Variants in NTM observed in about 807,000 individuals in gnomAD.
The protein encoded by NTM is neurotrimin.
In NTM, 13 loss-of-function variants were observed where a neutral mutation model predicts 42.1. That is an observed-to-expected ratio of 0.31 (90% CI 0.20 to 0.49). The LOEUF is 0.49. NTM is among the 20% of genes least tolerant of loss of function. The pLI, the probability that NTM is intolerant of heterozygous loss-of-function variation, is 0.99. For synonymous variants in NTM, 187 were observed against 179.2 expected (o/e 1.04, Z -0.35); for missense variants, 373 against 452.8 (o/e 0.82, Z 1.60).
intron 1 of NTM, among the ~76,000 whole-genome samples, chr11:131,617,506 C>T (rs1006436793): frequency 1.3e-5 from 2 of 152,136 alleles, no homozygotes; most frequent in African/African-American, 4.8e-5. Context: ...AAAGTATGAG[C>T]TGAGCTGAGT....
At chr11:131,497,273 C>T (rs1955448212) in intron 1 of NTM, among the ~76,000 whole-genome samples, 1 of 152,170 alleles carries the variant, frequency 6.6e-6, no homozygotes, top group Non-Finnish European at 1.5e-5. Context: ...ACTGCATCCT[C>T]TGCCTCCCAG....
At chr11:131,989,736 CACACACAT>C (rs959637045) in intron 2 of NTM, among the ~76,000 whole-genome samples, 152 of 152,034 alleles carry the variant, frequency 1.0e-3, no homozygotes, top group African/African-American at 3.4e-3. Context: ...CACACACACA[CACACACAT>C]GAACACATAC....
intron 3 of NTM, among the ~76,000 whole-genome samples, chr11:132,147,872 A>T (rs2070901683): frequency 6.6e-6 from 1 of 152,170 alleles, no homozygotes; most frequent in Non-Finnish European, 1.5e-5. Flanking sequence ...GAAGAACTGA[A>T]GTGAGCCGGA....
intron 1 of NTM, chr11:131,663,102 C>T (rs191802526): frequency 2.6e-5 from 4 of 152,138 alleles, no homozygotes; most frequent in African/African-American, 9.7e-5. Flanking sequence ...AGGCACCCCT[C>T]CCCCAACACA....
intron 1 of NTM, among the ~76,000 whole-genome samples, chr11:131,391,644 G>GGAAAAAA (rs1565455663): frequency 1.2e-5 from 1 of 81,562 alleles, no homozygotes; most frequent in African/African-American, 4.6e-5. Context: ...TTTTATCTGG[G>GGAAAAAA]AAAAAAAAAA....
intron 1 of NTM, among the ~76,000 whole-genome samples, chr11:131,421,566 A>T (rs544851578): frequency 6.6e-6 from 1 of 152,230 alleles, no homozygotes; most frequent in South Asian, 2.1e-4. Context: ...GCTACTGCAT[A>T]TGCAGTTCCA....
chr11:131,673,057 G>A (rs1259466813), intron 1 of NTM, among the ~76,000 whole-genome samples: 1 of 151,994 alleles, frequency 6.6e-6, no homozygotes, highest in Non-Finnish European at 1.5e-5. Context: ...GTGGGGGTGG[G>A]GAGTGACCTC....
intron 1 of NTM, among the ~76,000 whole-genome samples, chr11:131,740,584 G>T (rs1030925478): frequency 3.3e-5 from 5 of 151,750 alleles, no homozygotes; most frequent in Admixed American, 1.3e-4. Flanking sequence ...CTTGACTCTG[G>T]GGTTTCTGTC....
In NTM at chr11:131,552,486, C is replaced by G. The variant is rs572695488; in HGVS notation, c.82+181598C>G. 6.8e-3 allele frequency among the ~76,000 whole-genome samples: 978 copies of G among 142,996 alleles called. 5 individuals are homozygous for G. The highest frequency in any genetic ancestry group is 0.024 in the African/African-American group (904 of 37,762). The allele number at this position is 142,996 out of a possible 152,430, so 93.8% of individuals were successfully genotyped here. A position where few individuals can be genotyped will look rare whatever the true frequency, so the allele number is the denominator to read the frequency against. Reference sequence around the variant, plus strand: ...GCCACTGCACCTCCAGCCTGGGCGACAGAGCGAGACTCCGTCTCAAAAAAA... The same window carrying G: ...GCCACTGCACCTCCAGCCTGGGCGAGAGAGCGAGACTCCGTCTCAAAAAAA... On this transcript the variant is annotated intron_variant, in intron 1 of 8. Transcript: ENST00000683400.
Position 131,925,383 on chromosome 11 carries a change from C to CTTTT in NTM, c.167+13753_167+13756dup, listed in dbSNP as rs61493262. 6.3e-5 allele frequency among the ~76,000 whole-genome samples: 7 copies of CTTTT among 111,456 alleles called. 1 individual carries two copies. Among genetic ancestry groups the CTTTT allele is most frequent in the African/African-American group, 2.1e-4 (6 of 28,152 alleles). 73.1% of individuals were successfully genotyped at this position (111,456 alleles called of 152,430 possible). A position where few individuals can be genotyped will look rare whatever the true frequency, so the allele number is the denominator to read the frequency against. ...TTCCTTTTTTTTTTCTTTCTTTTCT[C>CTTTT]TTTTTTTTTTTTTTTTTTTTTAACA... On this transcript the variant is annotated intron_variant, in intron 2 of 8. Coordinates refer to ENST00000683400, the MANE Select transcript of NTM (RefSeq NM_001352005.2).
intron 2 of NTM, among the ~76,000 whole-genome samples, chr11:132,132,763 C>T (rs2067058726): frequency 6.6e-6 from 1 of 152,044 alleles, no homozygotes; most frequent in African/African-American, 2.4e-5. Context: ...CTTGTCGCAA[C>T]ACAATGGAAA....
intron 1 of NTM, among the ~76,000 whole-genome samples, chr11:131,498,852 T>C (rs993268382): frequency 1.6e-4 from 25 of 152,208 alleles, no homozygotes; most frequent in African/African-American, 5.8e-4. Context: ...CACCTGCTGG[T>C]AAGCAGGAGG....
At position 132,315,026 on chromosome 11, in the gene NTM, G is replaced by GAAAAGATCCCGAGATAGGA. The variant is rs2095391113; in HGVS notation, c.934+324_934+342dup. The GAAAAGATCCCGAGATAGGA allele has an allele frequency of 2.7e-6, 3 of 1,107,418 alleles. No individual in the cohort carries two copies. In the South Asian group the frequency reaches 1.3e-4, roughly 50 times the overall value. 68.6% of individuals were successfully genotyped at this position (1,107,418 alleles called of 1,614,324 possible). On this transcript the variant is annotated intron_variant, in intron 7 of 8. Transcript: ENST00000683400. ...AATGTTCATGTTTCATTCTATAATG[G>GAAAAGATCCCGAGATAGGA]AAAAGATCCCGAGATAGGAGAAAAA...
chr11:131,613,963 A>G (rs951950421), intron 1 of NTM, among the ~76,000 whole-genome samples: 6 of 152,128 alleles, frequency 3.9e-5, no homozygotes, highest in African/African-American at 1.4e-4. Context: ...TTCTCTTTCT[A>G]CACGCAGACA....
intron 2 of NTM, among the ~76,000 whole-genome samples, chr11:131,930,398 C>T (rs2058463208): frequency 6.6e-6 from 1 of 152,162 alleles, no homozygotes; most frequent in Non-Finnish European, 1.5e-5. Flanking sequence ...AACTCATGCC[C>T]TGCACTCGGC....
At chr11:131,497,610 T>C (rs1318124534) in intron 1 of NTM, among the ~76,000 whole-genome samples, 1 of 152,224 alleles carries the variant, frequency 6.6e-6, no homozygotes, top group Non-Finnish European at 1.5e-5. Flanking sequence ...GAGTGTAGGA[T>C]ACAGTAAGTT....
intron 1 of NTM, among the ~76,000 whole-genome samples, chr11:131,675,517 A>G (rs1399503386): frequency 6.6e-6 from 1 of 152,062 alleles, no homozygotes; most frequent in Non-Finnish European, 1.5e-5. Flanking sequence ...TTGTTCTTTC[A>G]TTTCTCATGA....
At chr11:131,897,532 C>T (rs2137637261) in intron 1 of NTM, among the ~76,000 whole-genome samples, 1 of 152,306 alleles carries the variant, frequency 6.6e-6, no homozygotes, top group East Asian at 1.9e-4. Flanking sequence ...TTGTGTTAGA[C>T]ACCCAGTGCC....
intron 2 of NTM, among the ~76,000 whole-genome samples, chr11:132,004,116 AGAAAG>A (rs564557392): frequency 2.1e-4 from 32 of 152,214 alleles, no homozygotes; most frequent in Non-Finnish European, 4.6e-4. Context: ...AGGGAAGGGA[AGAAAG>A]GAAAGAGAAT....
Sources: allele counts gnomAD v4.1 joint callset (sites outside exome capture counted in the v4.1 genomes callset), GRCh38; gene constraint gnomAD v4.1.1; transcripts MANE v1.5; gene names NCBI Gene and HGNC (gene_info 2026-07-23, HGNC 2026-07-21).